SPON1: variants seen among roughly 807,000 people sequenced by gnomAD.
SPON1 encodes spondin 1.
Under a neutral mutation model 111.7 loss-of-function variants are expected in SPON1, and 52 were observed. The ratio of observed to expected loss-of-function variants is 0.47; its 90% CI spans 0.37 to 0.59. SPON1 has a LOEUF of 0.59. SPON1 is among the 20% of genes least tolerant of loss of function. SPON1 has a pLI of 0.00. For synonymous variants in SPON1, 410 were observed against 395.8 expected, an observed-to-expected ratio of 1.04 and a Z score of -0.43; for missense variants, 957 against 1,068.5, an observed-to-expected ratio of 0.90 and a Z score of 1.46.
At chr11:14,195,527 G>A (rs1848390971) in intron 6 of SPON1, among the ~76,000 whole-genome samples, 4 of 152,188 alleles carry the variant, frequency 2.6e-5, no homozygotes, top group African/African-American at 9.7e-5. Flanking sequence ...TTATGCCCAT[G>A]AGCATAATAC....
intron 7 of SPON1, among the ~76,000 whole-genome samples, chr11:14,244,150 C>A (rs1437232099): frequency 1.3e-5 from 2 of 152,216 alleles, no homozygotes; most frequent in African/African-American, 4.8e-5. Flanking sequence ...CTCACCTGGA[C>A]CACGTCACCT....
intron 5 of SPON1, among the ~76,000 whole-genome samples, chr11:14,095,960 T>C (rs1315915765): frequency 1.3e-5 from 2 of 152,246 alleles, no homozygotes; most frequent in Non-Finnish European, 2.9e-5. Flanking sequence ...GCATCTCAGC[T>C]GTGCCACTGC....
chr11:14,201,694 A>AG (rs1397501632), intron 6 of SPON1, among the ~76,000 whole-genome samples: 1 of 152,174 alleles, frequency 6.6e-6, no homozygotes, highest in Non-Finnish European at 1.5e-5. Context: ...CACCTCACCC[A>AG]GCCTAGTTTG....
At chr11:14,005,081 T>C (rs1848348866) in intron 2 of SPON1, among the ~76,000 whole-genome samples, 1 of 152,234 alleles carries the variant, frequency 6.6e-6, no homozygotes, top group Non-Finnish European at 1.5e-5. Flanking sequence ...TAGTTTCATG[T>C]AGTTCCATTT....
intron 2 of SPON1, among the ~76,000 whole-genome samples, chr11:14,031,577 C>T (rs1554916059): frequency 6.6e-6 from 1 of 152,006 alleles, no homozygotes. Flanking sequence ...TAAACAAAAT[C>T]AGTACCGCTA....
At chr11:14,165,670 G>GA (rs1432553991) in intron 6 of SPON1, among the ~76,000 whole-genome samples, 4 of 152,234 alleles carry the variant, frequency 2.6e-5, no homozygotes, top group Non-Finnish European at 5.9e-5. Flanking sequence ...CTAAACTGCA[G>GA]AAAAAACCTC....
chr11:14,071,105 T>G (rs1368578589), intron 3 of SPON1, among the ~76,000 whole-genome samples: 1 of 152,190 alleles, frequency 6.6e-6, no homozygotes, highest in African/African-American at 2.4e-5. Flanking sequence ...AGGGAGTTCT[T>G]ACTAACAGCT....
chr11:13,991,116 G>T (rs1554911133), intron 2 of SPON1, among the ~76,000 whole-genome samples: 1 of 152,046 alleles, frequency 6.6e-6, no homozygotes, highest in Non-Finnish European at 1.5e-5. Flanking sequence ...TTGAATGTTG[G>T]CCTGTCTTGC....
intron 2 of SPON1, among the ~76,000 whole-genome samples, chr11:13,998,107 C>G (rs1554912039): frequency 2.6e-5 from 4 of 152,202 alleles, no homozygotes; most frequent in African/African-American, 9.6e-5. Context: ...ATGTATTAAC[C>G]CCTCTTCAAC....
rs56925967 is a variant in SPON1 at position 14,235,678 on chromosome 11, CAAAAAAAAAAAAAA to C, written c.826-7638_826-7625del. ...TAGGCAACAGAGAAAGACCCTGCCT[CAAAAAAAAAAAAAA>C]AAAAAAAAAAAAAAAGTAAGCAAAA... On this transcript the variant is annotated intron_variant, in intron 6 of 15. Coordinates refer to ENST00000576479, the MANE Select transcript of SPON1 (RefSeq NM_006108.4). Among the ~76,000 whole-genome samples the C allele has an allele frequency of 2.3e-3, 165 of 71,400 alleles. 1 individual carries two copies. Among genetic ancestry groups the C allele is most frequent in the South Asian group, 8.9e-3 (14 of 1,576 alleles). The allele number at this position is 71,400 out of a possible 152,430, so 46.8% of individuals were successfully genotyped here. A position where few individuals can be genotyped will look rare whatever the true frequency, so the allele number is the denominator to read the frequency against.
intron 2 of SPON1, among the ~76,000 whole-genome samples, chr11:14,009,487 A>T (rs1848388388): frequency 6.6e-6 from 1 of 152,218 alleles, no homozygotes; most frequent in East Asian, 1.9e-4. Context: ...ATATATAGCA[A>T]GTTGCTTCCT....
intron 5 of SPON1, among the ~76,000 whole-genome samples, chr11:14,132,277 C>CA (rs58661236): frequency 0.056 from 7,642 of 137,362 alleles, 226 homozygotes; most frequent in Middle Eastern, 0.08. Context: ...GACTCCGTCT[C>CA]AAAAAAAAAA....
intron 7 of SPON1, among the ~76,000 whole-genome samples, chr11:14,248,760 A>G (rs529172627): frequency 2.6e-5 from 4 of 152,240 alleles, no homozygotes; most frequent in South Asian, 2.1e-4. Flanking sequence ...AGGGTGACCT[A>G]CTTTGCAAGG....
chr11:14,017,105 A>G (rs1269863435), intron 2 of SPON1, among the ~76,000 whole-genome samples: 1 of 152,172 alleles, frequency 6.6e-6, no homozygotes, highest in African/African-American at 2.4e-5. Context: ...GCATTTTCCT[A>G]TGTTGGTGAG....
At chr11:14,054,166 C>T (rs545842276) in intron 3 of SPON1, among the ~76,000 whole-genome samples, 5 of 152,272 alleles carry the variant, frequency 3.3e-5, no homozygotes, top group African/African-American at 1.2e-4. Context: ...TTTCCTTGGG[C>T]ATTTTCCTAA....
chr11:14,104,767 T>C (rs1849172206), intron 5 of SPON1, among the ~76,000 whole-genome samples: 1 of 152,120 alleles, frequency 6.6e-6, no homozygotes, highest in Admixed American at 6.5e-5. Flanking sequence ...TAAGATCAGA[T>C]TTCTTTTTGT....
chr11:14,255,882 G>C, intron 9 of SPON1, 95 bp downstream of exon 9: 1 of 1,330,466 alleles, frequency 7.5e-7, no homozygotes, highest in Non-Finnish European at 1.0e-6. Flanking sequence ...AGAGTCACTG[G>C]CAGAAAGCAC....
intron 2 of SPON1, among the ~76,000 whole-genome samples, chr11:14,008,680 G>C (rs12360619): frequency 0.081 from 12,324 of 152,078 alleles, 621 homozygotes; most frequent in South Asian, 0.18. Flanking sequence ...TCCCTGTCCT[G>C]AGACCATCTC....
intron 3 of SPON1, among the ~76,000 whole-genome samples, chr11:14,072,036 T>C (rs1171597378): frequency 2.0e-5 from 3 of 152,168 alleles, no homozygotes; most frequent in Non-Finnish European, 2.9e-5. Context: ...ATTGATGTGT[T>C]TGATTATAGA....
Sources: allele counts gnomAD v4.1 joint callset (sites outside exome capture counted in the v4.1 genomes callset), GRCh38; gene constraint gnomAD v4.1.1; transcripts MANE v1.5; gene names NCBI Gene and HGNC (gene_info 2026-07-23, HGNC 2026-07-21).